The following RAP1GDS1 variants were observed in gnomAD, a reference collection of about 807,000 sequenced individuals.
The protein encoded by RAP1GDS1 is RAP1, GTP-GDP dissociation stimulator 1.
RAP1GDS1 carries 35 observed loss-of-function variants against 71.1 expected under a neutral mutation model. That is an observed-to-expected ratio of 0.49 (90% CI 0.38 to 0.65). The LOEUF (loss-of-function observed/expected upper bound fraction) is 0.65, where lower values mean the gene tolerates loss of function less well. RAP1GDS1 is among the 30% of genes least tolerant of loss of function. RAP1GDS1 has a pLI of 0.00. For missense variants in RAP1GDS1, 663 were observed against 706.1 expected (o/e 0.94, Z 0.69); for synonymous variants, 229 against 243.1 (o/e 0.94, Z 0.54).
At chr4:98,293,649 C>T in intron 2 of RAP1GDS1, 134 bp downstream of exon 2, 1 of 687,284 alleles carries the variant, frequency 1.5e-6, no homozygotes, top group Non-Finnish European at 2.5e-6. Flanking sequence ...TCCCTGAATA[C>T]TGAGATTGTT....
chr4:98,270,116 C>A (rs967820498), intron 1 of RAP1GDS1, among the ~76,000 whole-genome samples: 1 of 152,074 alleles, frequency 6.6e-6, no homozygotes, highest in East Asian at 1.9e-4. Flanking sequence ...TGCCCTCACA[C>A]AACAGAAAAG....
At chr4:98,366,101 G>A (rs1739448032) in intron 4 of RAP1GDS1, among the ~76,000 whole-genome samples, 1 of 152,102 alleles carries the variant, frequency 6.6e-6, no homozygotes, top group African/African-American at 2.4e-5. Flanking sequence ...TAATATATAT[G>A]TGATATGGTT....
intron 2 of RAP1GDS1, among the ~76,000 whole-genome samples, chr4:98,295,566 TA>T (rs1011778903): frequency 3.3e-5 from 5 of 152,066 alleles, no homozygotes; most frequent in African/African-American, 9.7e-5. Flanking sequence ...TATCACCATT[TA>T]AAGGATGAGG....
intron 2 of RAP1GDS1, among the ~76,000 whole-genome samples, chr4:98,311,324 T>C (rs1730185585): frequency 6.6e-6 from 1 of 152,240 alleles, no homozygotes; most frequent in Non-Finnish European, 1.5e-5. Flanking sequence ...TGTGGAATTT[T>C]GTCAAAGACT....
intron 4 of RAP1GDS1, among the ~76,000 whole-genome samples, chr4:98,369,406 A>AT (rs1740017995): frequency 6.6e-6 from 1 of 152,218 alleles, no homozygotes. Flanking sequence ...CCAAAGACTT[A>AT]TGCGTGAATG....
chr4:98,348,999 T>G (rs1451453655), intron 3 of RAP1GDS1, among the ~76,000 whole-genome samples: 1 of 152,196 alleles, frequency 6.6e-6, no homozygotes, highest in Admixed American at 6.5e-5. Context: ...ATTTTGGTTT[T>G]TGTTACCATT....
At chr4:98,360,352 C>A (rs1194421631) in intron 4 of RAP1GDS1, among the ~76,000 whole-genome samples, 1 of 151,980 alleles carries the variant, frequency 6.6e-6, no homozygotes, top group Non-Finnish European at 1.5e-5. Flanking sequence ...TGCCTTCCCC[C>A]CCAACCCCAC....
intron 9 of RAP1GDS1, 72 bp downstream of exon 9, chr4:98,417,570 T>C (rs1360756666): frequency 3.4e-6 from 5 of 1,467,430 alleles, no homozygotes; most frequent in Non-Finnish European, 4.7e-6. Context: ...CTACCACATA[T>C]ACTAAAACTG....
At chr4:98,397,941 T>C (rs1744792748) in intron 6 of RAP1GDS1, among the ~76,000 whole-genome samples, 1 of 152,138 alleles carries the variant, frequency 6.6e-6, no homozygotes, top group Non-Finnish European at 1.5e-5. Context: ...TTATTTATAT[T>C]GAGGGTTCTC....
chr4:98,337,380 C>A (rs971778973), intron 2 of RAP1GDS1, among the ~76,000 whole-genome samples: 7 of 152,170 alleles, frequency 4.6e-5, no homozygotes, highest in African/African-American at 1.7e-4. Context: ...TTTGGCAAAT[C>A]AGGTCAAAAT....
chr4:98,415,660 T>G (rs1003399456), intron 7 of RAP1GDS1, among the ~76,000 whole-genome samples: 2 of 152,152 alleles, frequency 1.3e-5, no homozygotes, highest in African/African-American at 4.8e-5. Flanking sequence ...ATAAAAAGTG[T>G]TGATGTGGGG....
intron 1 of RAP1GDS1, 52 bp from the exon 2 acceptor site, chr4:98,293,356 A>G (rs976458760): frequency 2.4e-5 from 29 of 1,215,052 alleles, no homozygotes; most frequent in Non-Finnish European, 3.1e-5. Flanking sequence ...TTGTCATGTA[A>G]CATATGGTGG....
chr4:98,400,696 A>G (rs1454133167), intron 6 of RAP1GDS1, among the ~76,000 whole-genome samples: 2 of 152,132 alleles, frequency 1.3e-5, no homozygotes, highest in South Asian at 2.1e-4. Flanking sequence ...TAATTATTAC[A>G]TAGTTTCAGA....
At chr4:98,306,457 C>T (rs1289656713) in intron 2 of RAP1GDS1, among the ~76,000 whole-genome samples, 1 of 152,168 alleles carries the variant, frequency 6.6e-6, no homozygotes, top group Non-Finnish European at 1.5e-5. Context: ...TTATAAAGTC[C>T]TCACCTCATA....
At position 98,406,573 on chromosome 4, in the gene RAP1GDS1, G is replaced by A. The variant is rs60107453; in HGVS notation, c.763+1971G>A. Among the ~76,000 whole-genome samples, 580 of 152,056 alleles carry A rather than the reference G, an allele frequency of 3.8e-3. 6 individuals carry two copies. The highest frequency in any genetic ancestry group is 0.013 in the African/African-American group (556 of 41,516). On this transcript the variant is annotated intron_variant, in intron 7 of 14. Transcript: ENST00000408927. ...AGAAACAGACAAATCCACAAATATT[G>A]TGAGAAATTTTAATACCTCTTTCAA... is the stretch of plus-strand genomic sequence containing the variant.
At chr4:98,342,161 G>A (rs1315332312) in intron 2 of RAP1GDS1, among the ~76,000 whole-genome samples, 1 of 151,956 alleles carries the variant, frequency 6.6e-6, no homozygotes, top group African/African-American at 2.4e-5. Flanking sequence ...GTACTTTTTT[G>A]TGGACTTTCT....
At chr4:98,396,969 A>C (rs1405471918) in intron 6 of RAP1GDS1, 1 of 152,214 alleles carries the variant, frequency 6.6e-6, no homozygotes, top group East Asian at 1.9e-4. Flanking sequence ...AATGGAAATA[A>C]TTTAACAAGT....
intron 3 of RAP1GDS1, among the ~76,000 whole-genome samples, chr4:98,346,629 C>T (rs1191688054): frequency 1.3e-5 from 2 of 151,882 alleles, no homozygotes; most frequent in African/African-American, 4.8e-5. Flanking sequence ...ACTGCAAGCT[C>T]CACCTCCCGG....
At chr4:98,381,268 A>G (rs960465434) in intron 5 of RAP1GDS1, among the ~76,000 whole-genome samples, 1 of 151,588 alleles carries the variant, frequency 6.6e-6, no homozygotes, top group African/African-American at 2.4e-5. Context: ...AAAAGACATA[A>G]TCTTGAGTAT....
Sources: allele counts gnomAD v4.1 joint callset (sites outside exome capture counted in the v4.1 genomes callset), GRCh38; gene constraint gnomAD v4.1.1; transcripts MANE v1.5; gene names NCBI Gene and HGNC (gene_info 2026-07-23, HGNC 2026-07-21).